SLC4A4: variants seen among roughly 807,000 people sequenced by gnomAD.
SLC4A4 encodes electrogenic sodium bicarbonate cotransporter 1.
A neutral mutation model predicts 111.5 loss-of-function variants in SLC4A4; 27 were observed. The ratio of observed to expected loss-of-function variants is 0.24; its 90% confidence interval spans 0.18 to 0.33. SLC4A4 has a LOEUF of 0.33. SLC4A4 is among the 10% of genes least tolerant of loss of function. The probability of loss-of-function intolerance (pLI) is 1.00; values close to 1 mark genes in which losing one functional copy is unlikely to be tolerated. For missense variants in SLC4A4, 909 were observed against 1,315.5 expected, an observed-to-expected ratio of 0.69 and a Z score of 4.78; for synonymous variants, 443 against 463.4, an observed-to-expected ratio of 0.96 and a Z score of 0.57.
chr4:71,088,861 G>A (rs1742282321), intron 1 of SLC4A4, among the ~76,000 whole-genome samples: 1 of 151,938 alleles, frequency 6.6e-6, no homozygotes, highest in South Asian at 2.1e-4. Context: ...TTCAACTTTG[G>A]TGAATCTGAC....
intron 16 of SLC4A4, among the ~76,000 whole-genome samples, chr4:71,511,086 TAG>T (rs1731872700): frequency 6.6e-6 from 1 of 152,192 alleles, no homozygotes; most frequent in Admixed American, 6.5e-5. Context: ...CAAATTATTA[TAG>T]CAATTATCAT....
At chr4:71,245,401 C>T (rs1720582383) in intron 2 of SLC4A4, among the ~76,000 whole-genome samples, 1 of 152,014 alleles carries the variant, frequency 6.6e-6, no homozygotes, top group Admixed American at 6.6e-5. Context: ...GGGGCTGTTG[C>T]CAAGATTCAA....
chr4:71,161,722 C>G (rs912285323), intron 2 of SLC4A4, among the ~76,000 whole-genome samples: 3 of 152,046 alleles, frequency 2.0e-5, no homozygotes, highest in African/African-American at 7.2e-5. Flanking sequence ...AGTGTAGGAG[C>G]CTGGCAGGTG....
intron 13 of SLC4A4, among the ~76,000 whole-genome samples, chr4:71,470,786 TG>T (rs903857534): frequency 3.3e-5 from 5 of 152,130 alleles, no homozygotes; most frequent in African/African-American, 1.2e-4. Context: ...GGCTGTCTGC[TG>T]TAGAACCAGG....
upstream of SLC4A4, among the ~76,000 whole-genome samples, chr4:71,185,128 A>G (rs1051791269): frequency 3.3e-5 from 5 of 152,220 alleles, no homozygotes; most frequent in African/African-American, 1.2e-4. Flanking sequence ...AAAGTTTGAT[A>G]TATTTTGCAG....
intron 2 of SLC4A4, 30 bp downstream of exon 2, chr4:71,236,679 G>C (rs1719837183): frequency 6.4e-7 from 1 of 1,553,746 alleles, no homozygotes; most frequent in African/African-American, 1.4e-5. Flanking sequence ...GAAAGTGTCT[G>C]TTGACATACA....
chr4:71,411,182 A>G (rs1579039448), intron 7 of SLC4A4, among the ~76,000 whole-genome samples: 1 of 152,050 alleles, frequency 6.6e-6, no homozygotes, highest in African/African-American at 2.4e-5. Context: ...TCCCGTCCTG[A>G]CTTTACTACA....
chr4:71,315,287 A>G (rs1726593494), intron 3 of SLC4A4, among the ~76,000 whole-genome samples: 1 of 152,180 alleles, frequency 6.6e-6, no homozygotes, highest in South Asian at 2.1e-4. Context: ...CTCTCCTAAT[A>G]GTTTACAGCC....
intron 6 of SLC4A4, among the ~76,000 whole-genome samples, chr4:71,371,523 T>C (rs1731885110): frequency 6.6e-6 from 1 of 152,114 alleles, no homozygotes; most frequent in South Asian, 2.1e-4. Flanking sequence ...GGATTACAGA[T>C]GTAAGCCACC....
At chr4:71,135,752 A>G (rs955594125) in intron 2 of SLC4A4, among the ~76,000 whole-genome samples, 1 of 151,880 alleles carries the variant, frequency 6.6e-6, no homozygotes, top group Non-Finnish European at 1.5e-5. Flanking sequence ...CACCCCTGAC[A>G]ACCACCATTC....
intron 2 of SLC4A4, among the ~76,000 whole-genome samples, chr4:71,143,487 T>C (rs560879046): frequency 2.0e-5 from 3 of 152,186 alleles, no homozygotes; most frequent in South Asian, 4.1e-4. Context: ...CTGGGTCAAA[T>C]GGTATTTCTA....
intron 1 of SLC4A4, among the ~76,000 whole-genome samples, chr4:71,202,490 G>T (rs1055379374): frequency 1.3e-5 from 2 of 152,114 alleles, no homozygotes; most frequent in Non-Finnish European, 2.9e-5. Context: ...AAAGCAGAGA[G>T]TTAAAAATGT....
intron 16 of SLC4A4, among the ~76,000 whole-genome samples, chr4:71,528,608 A>C (rs1285818373): frequency 2.0e-5 from 3 of 152,094 alleles, no homozygotes; most frequent in Non-Finnish European, 4.4e-5. Context: ...CTCTTCTGAC[A>C]GGAATTTATT....
At chr4:71,368,619 T>C (rs1731561698) in intron 6 of SLC4A4, among the ~76,000 whole-genome samples, 1 of 152,232 alleles carries the variant, frequency 6.6e-6, no homozygotes, top group African/African-American at 2.4e-5. Context: ...CCCTGCCCCC[T>C]GTGCTTTACA....
chr4:71,569,933 T>C lies in SLC4A4; in HGVS notation c.*2182T>C, dbSNP rs1480238540. On this transcript the variant is annotated 3_prime_UTR_variant, in exon 26 of 26. Coordinates refer to ENST00000264485, the MANE Select transcript of SLC4A4 (RefSeq NM_001098484.3). ...AAAACCTCACTTGCCAAATTCTGGC[T>C]TCACATTTGTATTTAGGGCTATCCT... is the stretch of plus-strand genomic sequence containing the variant. 1 of 151,772 alleles carries C rather than the reference T, an allele frequency of 6.6e-6. No individual in the cohort carries two copies. Among genetic ancestry groups the C allele is most frequent in the Non-Finnish European group, 1.5e-5 (1 of 67,814 alleles). The allele number at this position is 151,772 out of a possible 1,614,324, so 9.4% of individuals were successfully genotyped here. A position where few individuals can be genotyped will look rare whatever the true frequency, so the allele number is the denominator to read the frequency against.
intron 3 of SLC4A4, among the ~76,000 whole-genome samples, chr4:71,310,598 A>T (rs1726059677): frequency 6.6e-6 from 1 of 152,234 alleles, no homozygotes; most frequent in African/African-American, 2.4e-5. Flanking sequence ...AAGTTTCATA[A>T]GCAAAGGAGA....
intron 2 of SLC4A4, among the ~76,000 whole-genome samples, chr4:71,111,754 G>C (rs1054711948): frequency 6.7e-6 from 1 of 148,334 alleles, no homozygotes; most frequent in Non-Finnish European, 1.5e-5. Flanking sequence ...GGAGTGCAGT[G>C]GTGCTTTTTT....
intron 2 of SLC4A4, among the ~76,000 whole-genome samples, chr4:71,110,033 C>T (rs1032738544): frequency 6.6e-6 from 1 of 152,004 alleles, no homozygotes; most frequent in Non-Finnish European, 1.5e-5. Flanking sequence ...TGCAACTTAC[C>T]ATCCAAGTTT....
chr4:71,523,904 T>G (rs1378007021), intron 16 of SLC4A4, among the ~76,000 whole-genome samples: 1 of 152,126 alleles, frequency 6.6e-6, no homozygotes, highest in African/African-American at 2.4e-5. Context: ...ATTTTAGTGT[T>G]AGGACTTTAA....
Sources: gnomAD v4.1 joint callset for allele counts (sites outside exome capture counted in the v4.1 genomes callset) on GRCh38, gnomAD v4.1.1 for gene constraint, MANE v1.5 for transcripts, NCBI Gene and HGNC (gene_info 2026-07-23, HGNC 2026-07-21) for gene names.